Variants in ADGRD1 observed in about 807,000 individuals in gnomAD.
ADGRD1 encodes the protein G-protein coupled receptor 133.
ADGRD1 carries 77 observed loss-of-function variants against 113.4 expected under a neutral mutation model. The observed-to-expected ratio is 0.68, with a 90% CI of 0.57 to 0.82. ADGRD1 has a LOEUF of 0.82. Ranked by LOEUF, ADGRD1 falls within the 40% of genes least tolerant of loss-of-function variation. The probability of loss-of-function intolerance (pLI) is 0.00; values close to 1 mark genes in which losing one functional copy is unlikely to be tolerated. For synonymous variants in ADGRD1, 474 were observed against 475.0 expected (o/e 1.00, Z 0.03); for missense variants, 1,036 against 1,139.1 (o/e 0.91, Z 1.30).
intron 20 of ADGRD1, among the ~76,000 whole-genome samples, chr12:131,126,904 GA>G (rs1950748815): frequency 6.6e-6 from 1 of 152,184 alleles, no homozygotes; most frequent in Non-Finnish European, 1.5e-5. Flanking sequence ...GAGGATGAGT[GA>G]AATGGAGTGA....
chr12:131,049,955 AGTT>A (rs1883214103), intron 13 of ADGRD1, among the ~76,000 whole-genome samples: 1 of 152,198 alleles, frequency 6.6e-6, no homozygotes, highest in South Asian at 2.1e-4. Flanking sequence ...CAAGCAGGAC[AGTT>A]GTTTGTGGCT....
At chr12:130,996,647 C>T (rs1302165446) in intron 8 of ADGRD1, among the ~76,000 whole-genome samples, 34 of 99,252 alleles carry the variant, frequency 3.4e-4, no homozygotes, top group Non-Finnish European at 5.7e-4. Context: ...GGCGGCTGGC[C>T]GGGCGGGGGG....
chr12:131,090,919 A>G (rs1886864841), intron 15 of ADGRD1, among the ~76,000 whole-genome samples: 1 of 152,220 alleles, frequency 6.6e-6, no homozygotes, highest in Non-Finnish European at 1.5e-5. Flanking sequence ...AGCCAGGGTC[A>G]AGAATGGGTA....
chr12:131,012,034 A>G (rs1877985002), intron 12 of ADGRD1, among the ~76,000 whole-genome samples: 1 of 152,140 alleles, frequency 6.6e-6, no homozygotes, highest in Non-Finnish European at 1.5e-5. Context: ...ACGCATGCCC[A>G]GTGGTGAATG....
At chr12:131,104,274 C>CG (rs1190651153) in intron 15 of ADGRD1, among the ~76,000 whole-genome samples, 1 of 151,682 alleles carries the variant, frequency 6.6e-6, no homozygotes, top group Non-Finnish European at 1.5e-5. Context: ...CTACTTTGTG[C>CG]GGGGACTGGG....
intron 16 of ADGRD1, 41 bp from the exon 17 acceptor site, chr12:131,105,713 C>G: frequency 6.7e-7 from 1 of 1,495,922 alleles, no homozygotes; most frequent in Non-Finnish European, 9.2e-7. Flanking sequence ...GGGACTGGGT[C>G]GGCGCAGGGC....
intron 13 of ADGRD1, among the ~76,000 whole-genome samples, chr12:131,065,430 A>G (rs1264601538): frequency 6.6e-6 from 1 of 152,212 alleles, no homozygotes; most frequent in Non-Finnish European, 1.5e-5. Flanking sequence ...CCGCTGACCA[A>G]GGCTGGTATG....
chr12:130,964,026 TG>T (rs1221111725), intron 2 of ADGRD1, among the ~76,000 whole-genome samples: 2 of 152,192 alleles, frequency 1.3e-5, no homozygotes, highest in African/African-American at 2.4e-5. Context: ...TGAGCAAGGT[TG>T]GGCATCACTT....
chr12:131,109,935 T>C (rs1950314516), intron 18 of ADGRD1, among the ~76,000 whole-genome samples: 1 of 152,260 alleles, frequency 6.6e-6, no homozygotes, highest in South Asian at 2.1e-4. Context: ...TTGACCCTTT[T>C]ACATTTATAA....
At chr12:130,972,135 C>T (rs557652865) in intron 4 of ADGRD1, among the ~76,000 whole-genome samples, 214 of 152,278 alleles carry the variant, frequency 1.4e-3, no homozygotes, top group Non-Finnish European at 2.5e-3. Flanking sequence ...AACTGGCAAT[C>T]GACTTGCTTT....
At chr12:131,121,015 G>A (rs1024766187) in intron 20 of ADGRD1, 102 bp downstream of exon 20, 15 of 1,031,286 alleles carry the variant, frequency 1.5e-5, no homozygotes, top group Middle Eastern at 5.3e-4. Flanking sequence ...AGGAGCTTCC[G>A]AAGGATGCAG....
intron 15 of ADGRD1, among the ~76,000 whole-genome samples, chr12:131,104,266 A>G (rs1392222397): frequency 6.6e-6 from 1 of 150,494 alleles, no homozygotes; most frequent in African/African-American, 2.4e-5. Context: ...CCCTAGCACT[A>G]CTTTGTGCGG....
Position 131,138,155 on chromosome 12 carries a change from C to T in ADGRD1, c.2455C>T (p.His819Tyr). The T allele has an allele frequency of 6.2e-7, 1 of 1,613,696 alleles. No homozygotes were observed. Among genetic ancestry groups the T allele is most frequent in the Non-Finnish European group, 8.5e-7 (1 of 1,179,974 alleles). ...TTTCAAGGTGAGAGCCGCCTTCAAG[C>T]ACAAAACCAAGGTCTGGTCGCTCAC... ...LNSEVRAAFK[H>Y]KTKVWSLTSS... The change falls in exon 24 of 25, where the codon CAC becomes TAC. Residue 819 changes from histidine (H) to tyrosine (Y), a missense_variant. Coordinates refer to ENST00000261654, the MANE Select transcript of ADGRD1 (RefSeq NM_198827.5).
Position 130,987,282 on chromosome 12 carries a change from T to C in ADGRD1, c.678T>C (p.Asp226=), listed in dbSNP as rs764239492. The C allele has an allele frequency of 2.5e-6, 4 of 1,614,214 alleles. No individual in the cohort carries two copies. In the Admixed American group the frequency reaches 5.0e-5, roughly 20 times the overall value. The change falls in exon 6 of 25, where the codon GAT becomes GAC. Residue 226 remains aspartate (D), a synonymous_variant. Transcript: ENST00000261654. ...AGTGTTATGAGAACGGTGCTTTCGA[T>C]GAGTTCATCATCTGGGAGCGGGCTC... ...QAKCYENGAF[D]EFIIWERALT...
At chr12:131,109,874 G>A (rs978810334) in intron 18 of ADGRD1, among the ~76,000 whole-genome samples, 1 of 152,148 alleles carries the variant, frequency 6.6e-6, no homozygotes, top group Non-Finnish European at 1.5e-5. Flanking sequence ...ATTTGTTGAT[G>A]TTGTTTCCTG....
At chr12:131,088,477 G>T (rs935202129) in intron 15 of ADGRD1, among the ~76,000 whole-genome samples, 2 of 152,242 alleles carry the variant, frequency 1.3e-5, no homozygotes, top group Non-Finnish European at 2.9e-5. Flanking sequence ...AAGCCCAGGA[G>T]GGCCTGCCTG....
At chr12:130,994,188 G>A (rs1363274261) in intron 8 of ADGRD1, 4 of 410,960 alleles carry the variant, frequency 9.7e-6, no homozygotes, top group South Asian at 1.7e-5. Context: ...TGGAAAGAGC[G>A]GGTATAGACA....
At position 131,091,912 on chromosome 12, in the gene ADGRD1, G is replaced by A. The variant is rs542300423; in HGVS notation, c.1671+7249G>A. The stretch of plus-strand genomic sequence containing the variant: ...TTCATGTTCACTGCGCCTTCCTGAT[G>A]TCCGGGTGCTGAGACACGCCCATGC... On this transcript the variant is annotated intron_variant, in intron 15 of 24. Coordinates refer to ENST00000261654, the MANE Select transcript of ADGRD1 (RefSeq NM_198827.5). The A allele has an allele frequency of 7.9e-5, 12 of 152,422 alleles. No individual in the cohort carries two copies. In the East Asian group the frequency reaches 2.3e-3, roughly 29 times the overall value. The allele number at this position is 152,422 out of a possible 1,614,324, so 9.4% of individuals were successfully genotyped here.
intron 20 of ADGRD1, 50 bp from the exon 21 acceptor site, chr12:131,131,675 G>C: frequency 7.6e-7 from 1 of 1,317,216 alleles, no homozygotes; most frequent in Non-Finnish European, 1.1e-6. Context: ...CAGCTCTCCT[G>C]CAGGTGCAGC....
Sources: allele counts gnomAD v4.1 joint callset (sites outside exome capture counted in the v4.1 genomes callset), GRCh38; gene constraint gnomAD v4.1.1; transcripts MANE v1.5; gene names NCBI Gene and HGNC (gene_info 2026-07-23, HGNC 2026-07-21).